CAMK4: variants seen among roughly 807,000 people sequenced by gnomAD.
CAMK4 encodes calcium/calmodulin-dependent protein kinase type IV.
CAMK4 carries 22 observed loss-of-function variants against 44.9 expected under a neutral mutation model. The observed-to-expected ratio is 0.49, with a 90% confidence interval of 0.35 to 0.70. CAMK4 has a LOEUF of 0.70. Ranked by LOEUF, CAMK4 falls within the 30% of genes least tolerant of loss-of-function variation. The probability of loss-of-function intolerance (pLI) is 0.01; values close to 1 mark genes in which losing one functional copy is unlikely to be tolerated. For synonymous variants in CAMK4, 218 were observed against 215.4 expected, an observed-to-expected ratio of 1.01 and a Z score of -0.11; for missense variants, 498 against 586.8, an observed-to-expected ratio of 0.85 and a Z score of 1.56.
chr5:111,325,642 T>G (rs748219686), intron 1 of CAMK4, among the ~76,000 whole-genome samples: 1 of 152,178 alleles, frequency 6.6e-6, no homozygotes, highest in Non-Finnish European at 1.5e-5. Context: ...ATGATGAGCT[T>G]TTTTCCCTAT....
intron 1 of CAMK4, among the ~76,000 whole-genome samples, chr5:111,233,280 C>G (rs1748558844): frequency 2.0e-5 from 3 of 152,148 alleles, no homozygotes; most frequent in Admixed American, 2.0e-4. Flanking sequence ...AAAATGTCAA[C>G]TTTTTATTAG....
In CAMK4 at chr5:111,370,932, C is replaced by CAAA. The variant is rs1554065682; in HGVS notation, c.241-3916_241-3915insAAA. On this transcript the variant is annotated intron_variant, in intron 2 of 10. Transcript: ENST00000282356. ...CCATCTCAAAAAACAAAAACAAAAA[C>CAAA]AACGTGTATCCTTATGTTTTAATAG... Among the ~76,000 whole-genome samples the CAAA allele has an allele frequency of 2.0e-4, 30 of 151,828 alleles. No individual in the cohort carries two copies. The South Asian group carries it at 4.0e-3, about 20-fold the overall frequency.
At chr5:111,355,314 A>G (rs1012694555) in intron 2 of CAMK4, among the ~76,000 whole-genome samples, 2 of 152,102 alleles carry the variant, frequency 1.3e-5, no homozygotes, top group African/African-American at 4.8e-5. Context: ...GAATATGTAT[A>G]TAAGAGAGCA....
chr5:111,413,403 C>A (rs1388207135), intron 5 of CAMK4, among the ~76,000 whole-genome samples: 4 of 151,792 alleles, frequency 2.6e-5, no homozygotes, highest in African/African-American at 9.7e-5. Flanking sequence ...ATGGTGAAAC[C>A]CTGTCTCTAC....
At chr5:111,412,547 A>G (rs1752667392) in intron 5 of CAMK4, among the ~76,000 whole-genome samples, 1 of 152,234 alleles carries the variant, frequency 6.6e-6, no homozygotes, top group Non-Finnish European at 1.5e-5. Flanking sequence ...CAATAGAGCA[A>G]GTGTCTACAG....
At chr5:111,231,219 AAAG>A (rs368193122) in intron 1 of CAMK4, among the ~76,000 whole-genome samples, 128 of 152,348 alleles carry the variant, frequency 8.4e-4, no homozygotes, top group Non-Finnish European at 1.5e-3. Context: ...AAGATCAAAT[AAAG>A]AAAAGAACAG....
rs1474411817 is a variant in CAMK4, at chr5:111,490,762, C to T, written c.*6296C>T. ...ATTTTGTTTTTCTTTTTACGGCACCCTTAAGTCTCAGTAATATTTTAAAAG... is the reference window on the plus strand; with the variant it reads ...ATTTTGTTTTTCTTTTTACGGCACCTTTAAGTCTCAGTAATATTTTAAAAG... On this transcript the variant is annotated 3_prime_UTR_variant, in exon 11 of 11. Coordinates refer to ENST00000282356, the MANE Select transcript of CAMK4 (RefSeq NM_001744.6). 1 of 152,056 alleles carries T rather than the reference C, an allele frequency of 6.6e-6. No homozygotes were observed. The highest frequency in any genetic ancestry group is 1.9e-4 in the East Asian group (1 of 5,190). The allele number at this position is 152,056 out of a possible 1,614,324, so 9.4% of individuals were successfully genotyped here. A position where few individuals can be genotyped will look rare whatever the true frequency, so the allele number is the denominator to read the frequency against.
chr5:111,252,967 A>C (rs1749577855), intron 1 of CAMK4, among the ~76,000 whole-genome samples: 1 of 152,240 alleles, frequency 6.6e-6, no homozygotes, highest in African/African-American at 2.4e-5. Context: ...GACAATGCAG[A>C]AAGAGATAGA....
chr5:111,494,396 A>G lies in CAMK4; in HGVS notation c.*9930A>G, dbSNP rs1755987104. 1 of 152,196 alleles carries G rather than the reference A, an allele frequency of 6.6e-6. No individual in the cohort carries two copies. The highest frequency in any genetic ancestry group is 1.5e-5 in the Non-Finnish European group (1 of 68,036). 9.4% of individuals were successfully genotyped at this position (152,196 alleles called of 1,614,324 possible). On this transcript the variant is annotated 3_prime_UTR_variant, in exon 11 of 11. Coordinates refer to ENST00000282356, the MANE Select transcript of CAMK4 (RefSeq NM_001744.6). ...ACAATATTTTTAGGTAAATGTATTA[A>G]GTCTGGCCTGGGCATAAATGTACAT... is the stretch of plus-strand genomic sequence containing the variant.
At chr5:111,381,638 A>G (rs1307343949) in intron 4 of CAMK4, among the ~76,000 whole-genome samples, 2 of 152,174 alleles carry the variant, frequency 1.3e-5, no homozygotes, top group African/African-American at 4.8e-5. Flanking sequence ...GCCCTCACAG[A>G]CACACCCAGG....
At chr5:111,308,749 C>G (rs954098951) in intron 1 of CAMK4, among the ~76,000 whole-genome samples, 2 of 151,978 alleles carry the variant, frequency 1.3e-5, no homozygotes, top group Non-Finnish European at 2.9e-5. Context: ...GAGCTTTAGC[C>G]CTAAATACTG....
chr5:111,337,155 T>C (rs1028269908), intron 1 of CAMK4, among the ~76,000 whole-genome samples: 1 of 151,252 alleles, frequency 6.6e-6, no homozygotes, highest in African/African-American at 2.4e-5. Flanking sequence ...ATAAATGAGA[T>C]TCAACCAAGT....
At chr5:111,388,356 T>A (rs1391345817) in intron 4 of CAMK4, among the ~76,000 whole-genome samples, 1 of 152,230 alleles carries the variant, frequency 6.6e-6, no homozygotes, top group Non-Finnish European at 1.5e-5. Flanking sequence ...CCACCATCTG[T>A]GGTCTCATCT....
At chr5:111,294,728 G>A (rs1313191681) in intron 1 of CAMK4, among the ~76,000 whole-genome samples, 1 of 151,548 alleles carries the variant, frequency 6.6e-6, no homozygotes, top group Non-Finnish European at 1.5e-5. Context: ...ATGCATCTGA[G>A]TGATACTGTA....
Position 111,344,053 on chromosome 5 carries a change from A to G in CAMK4, c.191A>G (p.Lys64Arg), listed in dbSNP as rs2112753135. The G allele has an allele frequency of 6.2e-7, 1 of 1,607,722 alleles. No homozygotes were observed. The highest frequency in any genetic ancestry group is 2.2e-5 in the East Asian group (1 of 44,768). The change falls in exon 2 of 11, where the codon AAA becomes AGA. Residue 64 changes from lysine (K) to arginine (R), a missense_variant. Lys to Arg is a conservative substitution (Grantham distance 26). Transcript: ENST00000282356. ...RGATSIVYRCKQKGTQKPYAL... is the reference protein window; with the variant it reads ...RGATSIVYRCRQKGTQKPYAL... ...GCTACATCCATTGTGTACAGATGCA[A>G]ACAGAAGGGGACCCAGAAGCCTTAT...
intron 1 of CAMK4, among the ~76,000 whole-genome samples, chr5:111,240,168 T>C (rs1748922557): frequency 6.6e-6 from 1 of 152,158 alleles, no homozygotes; most frequent in Non-Finnish European, 1.5e-5. Context: ...TTATTTACAC[T>C]AACTTTACCT....
At chr5:111,398,788 T>C (rs975185208) in intron 5 of CAMK4, among the ~76,000 whole-genome samples, 1 of 152,202 alleles carries the variant, frequency 6.6e-6, no homozygotes, top group Non-Finnish European at 1.5e-5. Context: ...TCTTGGTAAA[T>C]GGCACTACCA....
intron 1 of CAMK4, among the ~76,000 whole-genome samples, chr5:111,328,378 T>G (rs1018801370): frequency 2.4e-4 from 37 of 151,774 alleles, no homozygotes; most frequent in African/African-American, 8.9e-4. Context: ...ATATCTCTGT[T>G]TTGGTACCAG....
intron 1 of CAMK4, among the ~76,000 whole-genome samples, chr5:111,333,141 G>A (rs1749244408): frequency 1.3e-5 from 2 of 151,630 alleles, no homozygotes; most frequent in South Asian, 2.1e-4. Context: ...AAGGTATGGA[G>A]ATGGAATTGT....
Sources: allele counts gnomAD v4.1 joint callset (sites outside exome capture counted in the v4.1 genomes callset), GRCh38; gene constraint gnomAD v4.1.1; transcripts MANE v1.5; gene names NCBI Gene and HGNC (gene_info 2026-07-23, HGNC 2026-07-21).